KCNN1: variants seen among roughly 807,000 people sequenced by gnomAD.
KCNN1 encodes the protein potassium calcium-activated channel subfamily N member 1.
In KCNN1, 20 loss-of-function variants were observed where a neutral mutation model predicts 44.7. That is an observed-to-expected ratio of 0.45 (90% CI 0.32 to 0.65). The LOEUF (loss-of-function observed/expected upper bound fraction) is 0.65. Among genes scored for constraint, KCNN1 ranks in the 30% least tolerant of loss-of-function variants. The pLI, the probability that KCNN1 is intolerant of heterozygous loss-of-function variation, is 0.05. For synonymous variants in KCNN1, 324 were observed against 341.7 expected (o/e 0.95, Z 0.57); for missense variants, 632 against 785.3 (o/e 0.80, Z 2.33).
At chr19:17,956,513 C>T (rs1483737284) in intron 2 of KCNN1, among the ~76,000 whole-genome samples, 2 of 151,650 alleles carry the variant, frequency 1.3e-5, no homozygotes, top group Non-Finnish European at 2.9e-5. Flanking sequence ...GAGGCCAAGA[C>T]AGGAGGATCA....
chr19:17,993,401 C>T lies in KCNN1; in HGVS notation c.1308-89C>T. The T allele has an allele frequency of 2.1e-6, 2 of 939,856 alleles. No homozygotes were observed. Among genetic ancestry groups the T allele is most frequent in the Admixed American group, 2.0e-5 (1 of 50,378 alleles). 58.2% of individuals were successfully genotyped at this position (939,856 alleles called of 1,614,324 possible). Reference sequence around the variant, plus strand: ...CCTCTGATGCATGTCCCATAGGTGACCCCGGGTGGGTGCATGAAAGTCCCT... The same window carrying T: ...CCTCTGATGCATGTCCCATAGGTGATCCCGGGTGGGTGCATGAAAGTCCCT... On this transcript the variant is annotated intron_variant, in intron 8 of 9. Coordinates refer to ENST00000684775, the MANE Select transcript of KCNN1 (RefSeq NM_001386974.1). The surrounding 1 kb of genome is among the most constrained non-coding windows in gnomAD (Gnocchi z 4.5).
At chr19:17,958,603 A>G (rs2031600213) in intron 2 of KCNN1, among the ~76,000 whole-genome samples, 1 of 150,542 alleles carries the variant, frequency 6.6e-6, no homozygotes, top group East Asian at 1.9e-4. Context: ...CTCGTGCCTT[A>G]ACCTCCTGGG....
intron 9 of KCNN1, among the ~76,000 whole-genome samples, chr19:17,996,270 C>T (rs2032990353): frequency 6.6e-6 from 1 of 151,822 alleles, no homozygotes. Flanking sequence ...TGTACCACTG[C>T]ACTCCAGTCT....
chr19:17,971,541 CA>C (rs2032023779), intron 1 of KCNN1, among the ~76,000 whole-genome samples: 1 of 152,088 alleles, frequency 6.6e-6, no homozygotes, highest in African/African-American at 2.4e-5. Context: ...CAGCTCACTG[CA>C]ACCTCCGCCT....
At chr19:17,985,152 G>A (rs576009772) in intron 4 of KCNN1, among the ~76,000 whole-genome samples, 160 bp from the exon 5 acceptor site, 59 of 152,204 alleles carry the variant, frequency 3.9e-4, no homozygotes, top group South Asian at 6.2e-4. Flanking sequence ...GGGCTGTAGC[G>A]GGGGAGAGGG....
chr19:17,987,227 A>G (rs374176840), intron 5 of KCNN1, among the ~76,000 whole-genome samples: 2 of 151,392 alleles, frequency 1.3e-5, no homozygotes, highest in South Asian at 4.2e-4. Context: ...CTCCTGCTTC[A>G]GCCTCCTGAG....
chr19:17,960,485 C>G (rs1315521323), intron 2 of KCNN1, among the ~76,000 whole-genome samples: 3 of 151,966 alleles, frequency 2.0e-5, no homozygotes, highest in African/African-American at 7.3e-5. Context: ...CAAAAATTAG[C>G]CAGGCGTGGT....
chr19:17,982,458 C>CG (rs900358833), intron 4 of KCNN1: 6 of 745,742 alleles, frequency 8.0e-6, no homozygotes, highest in Non-Finnish European at 9.8e-6. Flanking sequence ...TCTCTGGCCC[C>CG]GGGGGGCGCA....
At chr19:17,956,769 G>A (rs1318962140) in intron 2 of KCNN1, among the ~76,000 whole-genome samples, 1 of 151,586 alleles carries the variant, frequency 6.6e-6, no homozygotes, top group African/African-American at 2.4e-5. Flanking sequence ...AAGAGAGAAA[G>A]GGGGCCAGGT....
At chr19:17,996,182 A>C (rs567213943) in intron 9 of KCNN1, among the ~76,000 whole-genome samples, 1 of 149,386 alleles carries the variant, frequency 6.7e-6, no homozygotes, top group Non-Finnish European at 1.5e-5. Context: ...AAAAAAAAAA[A>C]AAATAGAAAA....
intron 2 of KCNN1, among the ~76,000 whole-genome samples, chr19:17,958,400 G>C (rs2031594313): frequency 6.6e-6 from 1 of 151,874 alleles, no homozygotes; most frequent in South Asian, 2.1e-4. Flanking sequence ...ATCACTTGAG[G>C]ACAGGAGATC....
intron 5 of KCNN1, among the ~76,000 whole-genome samples, chr19:17,988,154 C>CA (rs59928660): frequency 0.016 from 840 of 52,256 alleles, 19 homozygotes; most frequent in East Asian, 0.039. Context: ...GACTCCATCT[C>CA]AAAAAAAAAA....
chr19:17,960,031 G>A (rs1014017509), intron 2 of KCNN1, among the ~76,000 whole-genome samples: 5 of 151,612 alleles, frequency 3.3e-5, no homozygotes, highest in East Asian at 1.9e-4. Flanking sequence ...TGCAGTAAGC[G>A]GAGACTGTGC....
Position 17,974,027 on chromosome 19 carries a change from G to A in KCNN1, c.139G>A (p.Ala47Thr). 1 of 1,605,772 alleles carries A rather than the reference G, an allele frequency of 6.2e-7. No individual in the cohort carries two copies. The highest frequency in any genetic ancestry group is 1.1e-5 in the South Asian group (1 of 90,440). ...CAGCCCGGGCCTCCAGGTGGTAGTG[G>A]CCAAGAGTGAGCCAGCCCGGCCCTC... Reference protein sequence around the residue: ...PHSPGLQVVVAKSEPARPSPG... With the variant: ...PHSPGLQVVVTKSEPARPSPG... Residue 47 changes from alanine to threonine, a missense_variant, in exon 2 of 10, where the codon GCC (alanine) becomes ACC (threonine). By Grantham distance (58) the Ala-to-Thr change is moderately conservative. Transcript: ENST00000684775. This position sits in a 1 kb window ranked among gnomAD's most constrained non-coding sequence, Gnocchi z 7.3.
Position 17,974,405 on chromosome 19 carries a change from C to A in KCNN1, c.402+115C>A. 2.5e-6 allele frequency: 3 copies of A among 1,222,264 alleles called. No individual in the cohort carries two copies. Among genetic ancestry groups the A allele is most frequent in the Non-Finnish European group, 3.3e-6 (3 of 910,644 alleles). 75.7% of individuals were successfully genotyped at this position (1,222,264 alleles called of 1,614,324 possible). The stretch of plus-strand genomic sequence containing the variant: ...CCGGGAGATAGGGAGTGTTAGGGGG[C>A]TCCCGGAGGTGAGGGCTCCCTGGCC... On this transcript the variant is annotated intron_variant, in intron 2 of 9. Transcript: ENST00000684775. The surrounding 1 kb of genome is among the most constrained non-coding windows in gnomAD (Gnocchi z 7.3).
chr19:17,964,034 G>A (rs1837791222), upstream of KCNN1, among the ~76,000 whole-genome samples: 1 of 152,202 alleles, frequency 6.6e-6, no homozygotes, highest in Non-Finnish European at 1.5e-5. This position sits in a 1 kb window ranked among gnomAD's most constrained non-coding sequence, Gnocchi z 4.3. Context: ...CTTCAAGAGG[G>A]GCACGGTTTG....
At chr19:17,989,347 A>T (rs1461336797) in intron 6 of KCNN1, among the ~76,000 whole-genome samples, 2 of 152,180 alleles carry the variant, frequency 1.3e-5, no homozygotes, top group Non-Finnish European at 2.9e-5. Flanking sequence ...AATCCCAGCT[A>T]CTAGGGAGAG....
intron 1 of KCNN1, among the ~76,000 whole-genome samples, chr19:17,968,145 G>C (rs2031882838): frequency 6.6e-6 from 1 of 151,860 alleles, no homozygotes; most frequent in African/African-American, 2.4e-5. Flanking sequence ...CCTCAGCAGG[G>C]ACACCCGGAC....
At chr19:17,968,889 T>C (rs905403200) in intron 1 of KCNN1, among the ~76,000 whole-genome samples, 2 of 152,192 alleles carry the variant, frequency 1.3e-5, no homozygotes, top group African/African-American at 2.4e-5. Flanking sequence ...GATGGGATAT[T>C]GCTAGTTGTC....
Sources: gnomAD v4.1 joint callset for allele counts (sites outside exome capture counted in the v4.1 genomes callset) on GRCh38, gnomAD v4.1.1 for gene constraint, Gnocchi (gnomAD v3.1) non-coding constraint, MANE v1.5 for transcripts, NCBI Gene and HGNC (gene_info 2026-07-23, HGNC 2026-07-21) for gene names.